RBFOX3: variants seen among roughly 807,000 people sequenced by gnomAD.
RBFOX3 encodes the protein RNA binding fox-1 homolog 3, also known as RNA binding protein fox-1 homolog 3.
In RBFOX3, 17 loss-of-function variants were observed where a neutral mutation model predicts 48.7. The ratio of observed to expected loss-of-function variants is 0.35; its 90% CI spans 0.24 to 0.52. RBFOX3 has a LOEUF of 0.52. Among genes scored for constraint, RBFOX3 ranks in the 20% least tolerant of loss-of-function variants. The probability of loss-of-function intolerance (pLI) is 0.94; values close to 1 mark genes in which losing one functional copy is unlikely to be tolerated. For synonymous variants in RBFOX3, 212 were observed against 209.5 expected, an observed-to-expected ratio of 1.01 and a Z score of -0.10; for missense variants, 382 against 497.5, an observed-to-expected ratio of 0.77 and a Z score of 2.21.
upstream of RBFOX3, among the ~76,000 whole-genome samples, chr17:79,612,566 G>C (rs983782116): frequency 1.3e-5 from 2 of 152,192 alleles, no homozygotes; most frequent in Admixed American, 1.3e-4. Flanking sequence ...CCTCCAGCCC[G>C]TCTGGGTCAT....
chr17:79,196,986 CG>C (rs2055724889), intron 4 of RBFOX3, among the ~76,000 whole-genome samples: 1 of 152,176 alleles, frequency 6.6e-6, no homozygotes, highest in Non-Finnish European at 1.5e-5. Context: ...TCCAGCACCC[CG>C]GGTGGACTGA....
At chr17:79,652,285 G>T in the RBFOX3 span, among the ~76,000 whole-genome samples, 2 of 152,052 alleles carry the variant, frequency 1.3e-5, no homozygotes, top group African/African-American at 4.8e-5. Flanking sequence ...AGAAGAAATA[G>T]AGAACAAGAA....
rs536439830 is a variant in RBFOX3, at chr17:79,421,165, T to G, written c.-175+61289A>C. ...GGCTTCACAGCAGAGGGCAGGATGC[T>G]CCGTGCCCTAACCTACAGGCCTCCA... On this transcript the variant is annotated intron_variant, in intron 2 of 14. Coordinates refer to ENST00000693108, the MANE Select transcript of RBFOX3 (RefSeq NM_001350451.2). The surrounding 1 kb of genome is among the most constrained non-coding windows in gnomAD (Gnocchi z 4.5). Among the ~76,000 whole-genome samples, 20 of 152,238 alleles carry G rather than the reference T, an allele frequency of 1.3e-4. No homozygotes were observed. The highest frequency in any genetic ancestry group is 1.0e-3 in the South Asian group (5 of 4,824).
intron 1 of RBFOX3, among the ~76,000 whole-genome samples, chr17:79,555,274 G>T (rs1415771293): frequency 6.6e-6 from 1 of 152,084 alleles, no homozygotes; most frequent in Non-Finnish European, 1.5e-5. Context: ...GGCCATGGTG[G>T]TGGTGGTAGT....
Position 79,480,052 on chromosome 17 carries a change from G to A in RBFOX3, c.-175+2402C>T, listed in dbSNP as rs766579282. On this transcript the variant is annotated intron_variant, in intron 2 of 14. Coordinates refer to ENST00000693108, the MANE Select transcript of RBFOX3 (RefSeq NM_001350451.2). The surrounding 1 kb of genome is among the most constrained non-coding windows in gnomAD (Gnocchi z 4.8). ...GCACAGAGCGACCTGACCAGGAGCCGTAGTGGATGGCACACCAGTGCTGCC... is the reference window on the plus strand; with the variant it reads ...GCACAGAGCGACCTGACCAGGAGCCATAGTGGATGGCACACCAGTGCTGCC... 8.2e-4 allele frequency among the ~76,000 whole-genome samples: 125 copies of A among 152,318 alleles called. No homozygotes were observed. Among genetic ancestry groups the A allele is most frequent in the Non-Finnish European group, 1.5e-3 (104 of 68,026 alleles).
At chr17:79,145,409 G>C (rs758969570) in intron 4 of RBFOX3, among the ~76,000 whole-genome samples, 49 of 152,346 alleles carry the variant, frequency 3.2e-4, no homozygotes, top group Non-Finnish European at 6.3e-4. Context: ...GCCCTCCCTG[G>C]AGAGGGTCTG....
intron 4 of RBFOX3, among the ~76,000 whole-genome samples, chr17:79,187,315 C>T (rs980991513): frequency 3.9e-5 from 6 of 152,202 alleles, no homozygotes; most frequent in Admixed American, 3.3e-4. Context: ...TTTCCCCTTC[C>T]AGGCGCCCAG....
At chr17:79,168,323 T>C (rs2048441461) in intron 4 of RBFOX3, among the ~76,000 whole-genome samples, 1 of 152,260 alleles carries the variant, frequency 6.6e-6, no homozygotes, top group Non-Finnish European at 1.5e-5. Context: ...CACCAACTCA[T>C]GAATAGCACA....
chr17:79,536,267 A>G (rs782386541), intron 1 of RBFOX3, among the ~76,000 whole-genome samples: 24 of 152,210 alleles, frequency 1.6e-4, no homozygotes, highest in Non-Finnish European at 3.1e-4. Flanking sequence ...CAGTGGAGAC[A>G]GGGTTTCACC....
At chr17:79,170,536 C>T (rs1345205603) in intron 4 of RBFOX3, among the ~76,000 whole-genome samples, 1 of 152,096 alleles carries the variant, frequency 6.6e-6, no homozygotes, top group African/African-American at 2.4e-5. Flanking sequence ...CACGCGTCTG[C>T]ACCGTCCTGA....
At chr17:79,378,362 C>T (rs964653750) in intron 2 of RBFOX3, among the ~76,000 whole-genome samples, 3 of 152,178 alleles carry the variant, frequency 2.0e-5, no homozygotes, top group African/African-American at 7.2e-5. Flanking sequence ...GAGGGGGATC[C>T]CACTTTAGTA....
chr17:79,482,718 TG>T lies in RBFOX3; in HGVS notation c.-319-121del, dbSNP rs2078937190. ...GGGGGCAGCTTCAAAGCCAACTGTT[TG>T]CCACCAGGGATCGAGGGATTGAGGG... On this transcript the variant is annotated intron_variant, in intron 1 of 14. Coordinates refer to ENST00000693108, the MANE Select transcript of RBFOX3 (RefSeq NM_001350451.2). The surrounding 1 kb of genome is among the most constrained non-coding windows in gnomAD (Gnocchi z 4.1). 1 of 152,200 alleles carries T rather than the reference TG, an allele frequency of 6.6e-6. No individual in the cohort carries two copies. Among genetic ancestry groups the T allele is most frequent in the African/African-American group, 2.4e-5 (1 of 41,416 alleles). 9.4% of individuals were successfully genotyped at this position (152,200 alleles called of 1,614,324 possible). A position where few individuals can be genotyped will look rare whatever the true frequency, so the allele number is the denominator to read the frequency against.
At chr17:79,193,996 G>C (rs1397411982) in intron 4 of RBFOX3, among the ~76,000 whole-genome samples, 1 of 152,158 alleles carries the variant, frequency 6.6e-6, no homozygotes, top group Admixed American at 6.5e-5. Context: ...CAGAGGGAAG[G>C]CCCACTGTGG....
At chr17:79,500,763 G>T (rs1451825745) in intron 1 of RBFOX3, among the ~76,000 whole-genome samples, 1 of 152,262 alleles carries the variant, frequency 6.6e-6, no homozygotes, top group East Asian at 1.9e-4. Flanking sequence ...CAACTTCCCT[G>T]CCTGCAGCCC....
intron 4 of RBFOX3, among the ~76,000 whole-genome samples, chr17:79,178,801 C>T (rs1042407468): frequency 5.9e-5 from 9 of 152,202 alleles, no homozygotes; most frequent in African/African-American, 1.7e-4. Context: ...AGGACCGCTG[C>T]GTGGGTTCAT....
At chr17:79,462,914 G>A (rs1433050631) in intron 2 of RBFOX3, among the ~76,000 whole-genome samples, 2 of 152,130 alleles carry the variant, frequency 1.3e-5, no homozygotes, top group Non-Finnish European at 2.9e-5. Flanking sequence ...CAAGGTGGAG[G>A]AGAGAAAGCA....
At chr17:79,417,748 C>A (rs1468535496) in intron 2 of RBFOX3, among the ~76,000 whole-genome samples, 1 of 152,260 alleles carries the variant, frequency 6.6e-6, no homozygotes, top group African/African-American at 2.4e-5. Context: ...CTGAGAGCCG[C>A]AACTCCAACT....
chr17:79,570,000 A>AGTTATAGATG (rs2092610424), intron 1 of RBFOX3, among the ~76,000 whole-genome samples: 2 of 41,252 alleles, frequency 4.8e-5, no homozygotes, highest in Admixed American at 6.3e-4. Context: ...ATGGATGGAT[A>AGTTATAGATG]GATGAGTTAT....
chr17:79,396,509 A>G (rs2062011822), intron 2 of RBFOX3, among the ~76,000 whole-genome samples: 1 of 152,284 alleles, frequency 6.6e-6, no homozygotes, highest in African/African-American at 2.4e-5. Flanking sequence ...GAAAGGGGGA[A>G]AGGACCTCCT....
Sources: gnomAD v4.1 joint callset for allele counts (sites outside exome capture counted in the v4.1 genomes callset) on GRCh38, gnomAD v4.1.1 for gene constraint, Gnocchi (gnomAD v3.1) non-coding constraint, MANE v1.5 for transcripts, NCBI Gene and HGNC (gene_info 2026-07-23, HGNC 2026-07-21) for gene names.